The following TJP2 variants were observed in gnomAD, a reference collection of about 807,000 sequenced individuals.
The protein encoded by TJP2 is tight junction protein 2, also known as Friedreich ataxia region gene X104 (tight junction protein ZO-2).
TJP2 carries 91 observed loss-of-function variants against 133.1 expected under a neutral mutation model. That is an observed-to-expected ratio of 0.68 (90% CI 0.58 to 0.81). The LOEUF is 0.81. TJP2 is among the 40% of genes least tolerant of loss of function. TJP2 has a pLI of 0.00. For missense variants in TJP2, 1,541 were observed against 1,565.6 expected, an observed-to-expected ratio of 0.98 and a Z score of 0.26; for synonymous variants, 592 against 583.4, an observed-to-expected ratio of 1.01 and a Z score of -0.21.
intron 18 of TJP2, 94 bp from the exon 19 acceptor site, chr9:69,247,918 C>T (rs1831038905): frequency 7.8e-7 from 1 of 1,277,704 alleles, no homozygotes; most frequent in South Asian, 1.6e-5. Flanking sequence ...ATCAAGGTTT[C>T]AGTCGCTTGG....
intron 19 of TJP2, 51 bp from the exon 20 acceptor site, chr9:69,249,324 G>C (rs764718364): frequency 3.2e-6 from 5 of 1,562,416 alleles, no homozygotes; most frequent in East Asian, 2.4e-5. Flanking sequence ...CGAGTGCTCT[G>C]TTCTCTCTGC....
chr9:69,150,608 T>A (rs981404093), intron 1 of TJP2, among the ~76,000 whole-genome samples: 1 of 152,210 alleles, frequency 6.6e-6, no homozygotes, highest in African/African-American at 2.4e-5. Context: ...TAAAATATTT[T>A]GTTCTAGCTA....
chr9:69,225,406 AGGTG>A lies in TJP2; in HGVS notation c.1056+3_1056+6del. 3 of 1,609,170 alleles carry A rather than the reference AGGTG, an allele frequency of 1.9e-6. No homozygotes were observed. Among genetic ancestry groups the A allele is most frequent in the Non-Finnish European group, 2.6e-6 (3 of 1,175,838 alleles). On this transcript the variant is annotated splice_donor_variant and splice_donor_region_variant and coding_sequence_variant and intron_variant, in exon 6 of 23. Coordinates refer to ENST00000377245, the MANE Select transcript of TJP2 (RefSeq NM_004817.4). LOFTEE classifies it high-confidence loss of function. The stretch of plus-strand genomic sequence containing the variant: ...CTTCACGAAGGAGACATAATTCTCA[AGGTG>A]GGTAGATGGGGGCAGAGAACGGTAG...
chr9:69,247,816 G>A (rs1275619623), intron 18 of TJP2, among the ~76,000 whole-genome samples, 196 bp from the exon 19 acceptor site: 3 of 152,148 alleles, frequency 2.0e-5, no homozygotes, highest in African/African-American at 4.8e-5. Flanking sequence ...CCTAATTTGA[G>A]TTCCTGCACA....
At chr9:69,232,233 T>C (rs58337094) in intron 11 of TJP2, among the ~76,000 whole-genome samples, 4,014 of 152,304 alleles carry the variant, frequency 0.026, 164 homozygotes, top group African/African-American at 0.09. Flanking sequence ...TCCTCATTTC[T>C]TGGGTGCGAA....
Position 69,240,039 on chromosome 9 carries a change from G to T in TJP2, c.2458G>T (p.Gly820Cys). The T allele has an allele frequency of 1.9e-6, 3 of 1,613,948 alleles. No individual in the cohort carries two copies. Among genetic ancestry groups the T allele is most frequent in the Non-Finnish European group, 2.5e-6 (3 of 1,180,004 alleles). ...TTTTTTCAACCCAGACTCCAGACAAGGTGTCAAAACCATGAGACAAAGGTT... is the reference window on the plus strand; with the variant it reads ...TTTTTTCAACCCAGACTCCAGACAATGTGTCAAAACCATGAGACAAAGGTT... ...VIFFNPDSRQGVKTMRQRLNP... is the reference protein window; with the variant it reads ...VIFFNPDSRQCVKTMRQRLNP... The change falls in exon 17 of 23, where the codon GGT (glycine) becomes TGT (cysteine). Residue 820 changes from glycine to cysteine, a missense_variant. Gly to Cys is a radical substitution (Grantham distance 159). Coordinates refer to ENST00000377245, the MANE Select transcript of TJP2 (RefSeq NM_004817.4).
chr9:69,218,244 T>C lies in TJP2; in HGVS notation c.240-13T>C, dbSNP rs1194259486. On this transcript the variant is annotated splice_polypyrimidine_tract_variant and intron_variant, in intron 3 of 22. Coordinates refer to ENST00000377245, the MANE Select transcript of TJP2 (RefSeq NM_004817.4). ...GGAGTTTTTCATGACCCATTTTTAT[T>C]TCTTGTTTACAGAGAAAATGACAGA... 1 of 1,604,030 alleles carries C rather than the reference T, an allele frequency of 6.2e-7. No individual in the cohort carries two copies. The highest frequency in any genetic ancestry group is 8.5e-7 in the Non-Finnish European group (1 of 1,170,816).
At chr9:69,249,548 G>A in intron 20 of TJP2, 63 bp downstream of exon 20, 1 of 1,554,542 alleles carries the variant, frequency 6.4e-7, no homozygotes, top group Admixed American at 1.9e-5. Context: ...AAGCCTCCTG[G>A]ACGGCCAGGG....
chr9:69,213,101 T>TC (rs1213049256), intron 2 of TJP2, among the ~76,000 whole-genome samples: 3 of 140,952 alleles, frequency 2.1e-5, no homozygotes, highest in African/African-American at 8.1e-5. Flanking sequence ...TGCACTCTTG[T>TC]CGCCCAGGCT....
chr9:69,229,855 A>G (rs1002981388), intron 10 of TJP2, among the ~76,000 whole-genome samples: 2 of 152,216 alleles, frequency 1.3e-5, no homozygotes, highest in Admixed American at 6.5e-5. Context: ...TAAAGATTCT[A>G]TAATTCTATG....
intron 1 of TJP2, among the ~76,000 whole-genome samples, chr9:69,184,808 T>C (rs1053633625): frequency 2.7e-5 from 4 of 145,510 alleles, no homozygotes; most frequent in African/African-American, 1.0e-4. Flanking sequence ...TGGAGTGCAG[T>C]GGTGCCGTCA....
intron 1 of TJP2, among the ~76,000 whole-genome samples, chr9:69,191,131 TGACA>T (rs35753460): frequency 0.42 from 63,660 of 151,688 alleles, 13,643 homozygotes; most frequent in East Asian, 0.63. Flanking sequence ...ATCTGAGCAC[TGACA>T]GACAGGTTTG....
At position 69,248,035 on chromosome 9, in the gene TJP2, C is replaced by T. The variant is rs149969431; in HGVS notation, c.2691C>T (p.Pro897=). The change falls in exon 19 of 23, where the codon CCC becomes CCT. Residue 897 remains proline (P), a synonymous_variant. Transcript: ENST00000377245. ...EGKMEGMDDD[P]EDRMSYLTAM... ...AGATGGAAGGGATGGATGATGACCCCGAAGACCGCATGTCCTACTTAACCG... is the reference window on the plus strand; with the variant it reads ...AGATGGAAGGGATGGATGATGACCCTGAAGACCGCATGTCCTACTTAACCG... The T allele has an allele frequency of 3.1e-4, 499 of 1,610,234 alleles. 2 individuals are homozygous for T. The African/African-American group carries it at 5.7e-3, about 19-fold the overall frequency.
intron 1 of TJP2, among the ~76,000 whole-genome samples, chr9:69,183,918 A>G (rs781054097): frequency 4.6e-5 from 7 of 152,112 alleles, no homozygotes; most frequent in Non-Finnish European, 8.8e-5. Context: ...TATTTTTAGT[A>G]GAGACAGGTT....
At position 69,133,771 on chromosome 9, in the gene TJP2, G is replaced by T. The variant is rs148129964; in HGVS notation, c.-131+12046G>T. 1.1e-4 allele frequency among the ~76,000 whole-genome samples: 16 copies of T among 151,554 alleles called. No homozygotes were observed. In the East Asian group the frequency reaches 3.1e-3, roughly 30 times the overall value. On this transcript the variant is annotated intron_variant, in intron 1 of 5. Coordinates refer to the TJP2 transcript ENST00000423935. Reference sequence around the variant, plus strand: ...TCACCATGTTGTCCAGGCTGGCCTCGAATTCCTGACCTCAAGTGACCCGCC... The same window carrying T: ...TCACCATGTTGTCCAGGCTGGCCTCTAATTCCTGACCTCAAGTGACCCGCC...
intron 1 of TJP2, among the ~76,000 whole-genome samples, chr9:69,211,217 A>G (rs1400297748): frequency 6.6e-6 from 1 of 152,092 alleles, no homozygotes; most frequent in Non-Finnish European, 1.5e-5. Flanking sequence ...CGCACCTGTA[A>G]TCCTAGCTAC....
intron 2 of TJP2, among the ~76,000 whole-genome samples, chr9:69,159,405 AATATTG>A (rs11278420): frequency 0.92 from 139,043 of 151,872 alleles, 63,793 homozygotes; most frequent in East Asian, 1. Context: ...TTTGAAATAT[AATATTG>A]ATATTGATAT....
intron 2 of TJP2, among the ~76,000 whole-genome samples, chr9:69,169,174 C>T (rs1824532563): frequency 1.3e-5 from 2 of 152,158 alleles, no homozygotes; most frequent in Non-Finnish European, 1.5e-5. Context: ...GTTTACATAT[C>T]GTTGTCTTCA....
At chr9:69,171,940 C>T (rs1248110595), upstream of TJP2, among the ~76,000 whole-genome samples, 1 of 151,998 alleles carries the variant, frequency 6.6e-6, no homozygotes, top group South Asian at 2.1e-4. Context: ...GGACTACAGG[C>T]GTGCGCCACC....
Sources: gnomAD v4.1 joint callset for allele counts (sites outside exome capture counted in the v4.1 genomes callset) on GRCh38, gnomAD v4.1.1 for gene constraint, MANE v1.5 for transcripts, NCBI Gene and HGNC (gene_info 2026-07-23, HGNC 2026-07-21) for gene names.